The following THSD7A variants were observed in gnomAD, a reference collection of about 807,000 sequenced individuals.
The protein encoded by THSD7A is thrombospondin type 1 domain containing 7A.
A neutral mutation model predicts 231.3 loss-of-function variants in THSD7A; 96 were observed. The ratio of observed to expected loss-of-function variants is 0.41; its 90% CI spans 0.35 to 0.49. THSD7A has a LOEUF of 0.49. THSD7A is among the 20% of genes least tolerant of loss of function. The pLI, the probability that THSD7A is intolerant of heterozygous loss-of-function variation, is 0.05. For missense variants in THSD7A, 2,290 were observed against 2,070.2 expected, an observed-to-expected ratio of 1.11 and a Z score of -2.06; for synonymous variants, 940 against 743.3, an observed-to-expected ratio of 1.26 and a Z score of -4.30.
intron 7 of THSD7A, 64 bp downstream of exon 7, chr7:11,481,724 C>G: frequency 1.4e-6 from 2 of 1,456,944 alleles, no homozygotes; most frequent in Non-Finnish European, 1.8e-6. Flanking sequence ...TTCCAGGCTA[C>G]ACAAAAAAGA....
At chr7:11,649,301 A>G (rs1782404315) in intron 1 of THSD7A, among the ~76,000 whole-genome samples, 1 of 152,004 alleles carries the variant, frequency 6.6e-6, no homozygotes, top group Non-Finnish European at 1.5e-5. Context: ...GGTCTGGCCA[A>G]TATTTTGACC....
intron 1 of THSD7A, among the ~76,000 whole-genome samples, chr7:11,693,357 C>T (rs1780292570): frequency 6.6e-6 from 1 of 151,392 alleles, no homozygotes; most frequent in Non-Finnish European, 1.5e-5. Flanking sequence ...TCACAGAATA[C>T]ATCTATTAGT....
rs1395790509 is a variant in THSD7A, at chr7:11,636,779, T to C, written c.373A>G (p.Arg125Gly). Residue 125 changes from arginine (R) to glycine (G), a missense_variant, in exon 2 of 28, where the codon AGA (arginine) becomes GGA (glycine). Transcript: ENST00000423059. The surrounding 1 kb of genome is among the most constrained non-coding windows in gnomAD (Gnocchi z 10.0). ...CDWHKELYDWRLGPWNQCQPV... is the reference protein window; with the variant it reads ...CDWHKELYDWGLGPWNQCQPV... ...TGACACTGATTCCAAGGTCCCAGTC[T>C]CCAGTCGTACAACTCTTTGTGCCAA... 1.2e-6 allele frequency: 2 copies of C among 1,613,842 alleles called. No individual in the cohort carries two copies. The highest frequency in any genetic ancestry group is 2.2e-5 in the East Asian group (1 of 44,884).
intron 13 of THSD7A, among the ~76,000 whole-genome samples, chr7:11,437,884 A>G (rs1481022333): frequency 6.6e-6 from 1 of 152,072 alleles, no homozygotes; most frequent in East Asian, 1.9e-4. Flanking sequence ...TTCTCTACCC[A>G]TATTCATGAT....
chr7:11,748,866 A>G (rs1782403224), intron 1 of THSD7A, among the ~76,000 whole-genome samples: 1 of 152,046 alleles, frequency 6.6e-6, no homozygotes, highest in African/African-American at 2.4e-5. Context: ...ATAGTAAAAT[A>G]AATCATAATA....
In THSD7A at chr7:11,376,642, G is replaced by C; in HGVS notation, c.4817C>G (p.Thr1606Ser). The C allele has an allele frequency of 6.3e-7, 1 of 1,578,656 alleles. No individual in the cohort carries two copies. Among genetic ancestry groups the C allele is most frequent in the Non-Finnish European group, 8.6e-7 (1 of 1,161,254 alleles). The stretch of plus-strand genomic sequence containing the variant: ...CCCAGCTGCTACACCGTAAACCCAG[G>C]TCTTTAGTCTCCCATCTAAGAAGAA... ...QPFGPDGRLK[T>S]WVYGVAAGAF... The change falls in exon 27 of 28, where the codon ACC becomes AGC. Residue 1606 changes from threonine (T) to serine (S), a missense_variant. Physicochemically the swap from Thr to Ser is moderately conservative, Grantham distance 58. Coordinates refer to ENST00000423059, the MANE Select transcript of THSD7A (RefSeq NM_015204.3).
intron 1 of THSD7A, among the ~76,000 whole-genome samples, chr7:11,805,647 T>C (rs1282387769): frequency 6.6e-6 from 1 of 152,108 alleles, no homozygotes. Context: ...CATTATATGG[T>C]TTTAAAATGT....
At chr7:11,507,116 A>G (rs1009925239) in intron 6 of THSD7A, among the ~76,000 whole-genome samples, 1 of 152,202 alleles carries the variant, frequency 6.6e-6, no homozygotes, top group African/African-American at 2.4e-5. Flanking sequence ...GACATTAAGC[A>G]GTCACAGTGA....
rs1785522592 is a variant in THSD7A, at chr7:11,462,003, AACCCT to A, written c.2501+3_2501+7del. The stretch of plus-strand genomic sequence containing the variant: ...CTCCTCCCTCACGATGCATTTCTCT[AACCCT>A]ACCTGTAGCTTTGGCACGCTTGAGG... On this transcript the variant is annotated splice_donor_5th_base_variant and intron_variant, in intron 10 of 27. Coordinates refer to ENST00000423059, the MANE Select transcript of THSD7A (RefSeq NM_015204.3). The A allele has an allele frequency of 6.2e-7, 1 of 1,612,912 alleles. No individual in the cohort carries two copies. Among genetic ancestry groups the A allele is most frequent in the East Asian group, 2.2e-5 (1 of 44,850 alleles).
intron 1 of THSD7A, among the ~76,000 whole-genome samples, chr7:11,699,916 C>T (rs890582393): frequency 1.9e-4 from 28 of 151,206 alleles, no homozygotes; most frequent in Admixed American, 1.7e-3. Context: ...TGTCCCAGTA[C>T]GTCTTGTCTT....
At chr7:11,414,989 C>T (rs940483134) in intron 17 of THSD7A, among the ~76,000 whole-genome samples, 1 of 152,144 alleles carries the variant, frequency 6.6e-6, no homozygotes, top group Admixed American at 6.5e-5. Context: ...AAAGGTAAAA[C>T]ATGTCAAATT....
intron 2 of THSD7A, among the ~76,000 whole-genome samples, chr7:11,619,568 C>G (rs1461215405): frequency 6.6e-6 from 1 of 151,696 alleles, no homozygotes; most frequent in African/African-American, 2.4e-5. Context: ...GCTCCTATGC[C>G]CAACTAATTT....
intron 1 of THSD7A, among the ~76,000 whole-genome samples, chr7:11,678,123 A>G (rs1783714562): frequency 6.6e-6 from 1 of 152,194 alleles, no homozygotes; most frequent in Admixed American, 6.6e-5. Flanking sequence ...TAAGGCAGAA[A>G]TAAATATGTT....
chr7:11,595,867 C>T (rs534672963), intron 2 of THSD7A, among the ~76,000 whole-genome samples: 22 of 152,260 alleles, frequency 1.4e-4, no homozygotes, highest in African/African-American at 4.6e-4. Flanking sequence ...GCATAGCTAT[C>T]GTAATGGACA....
chr7:11,422,771 G>C (rs1784192753), intron 16 of THSD7A, among the ~76,000 whole-genome samples: 1 of 152,088 alleles, frequency 6.6e-6, no homozygotes, highest in Non-Finnish European at 1.5e-5. Flanking sequence ...TCCTGCCTCA[G>C]CCTCCTGAGT....
At chr7:11,671,529 G>A (rs972085389) in intron 1 of THSD7A, among the ~76,000 whole-genome samples, 2 of 152,114 alleles carry the variant, frequency 1.3e-5, no homozygotes, top group African/African-American at 4.8e-5. Flanking sequence ...TTTGCAGTTT[G>A]CTGAATTGTC....
chr7:11,748,788 G>A (rs188369774), intron 1 of THSD7A, among the ~76,000 whole-genome samples: 1 of 151,884 alleles, frequency 6.6e-6, no homozygotes, highest in African/African-American at 2.4e-5. Flanking sequence ...TAGGGCAATA[G>A]TGATATACGA....
At chr7:11,784,802 T>G (rs1003419209) in intron 1 of THSD7A, among the ~76,000 whole-genome samples, 8 of 152,122 alleles carry the variant, frequency 5.3e-5, no homozygotes, top group African/African-American at 1.7e-4. Flanking sequence ...TATATATTGT[T>G]GCAATTTTAG....
chr7:11,494,565 A>G (rs922820613), intron 6 of THSD7A, among the ~76,000 whole-genome samples: 1 of 152,092 alleles, frequency 6.6e-6, no homozygotes, highest in African/African-American at 2.4e-5. Context: ...AAAGAAAATA[A>G]TACTTATGAA....
Sources: allele counts gnomAD v4.1 joint callset (sites outside exome capture counted in the v4.1 genomes callset), GRCh38; gene constraint gnomAD v4.1.1; non-coding constraint Gnocchi (gnomAD v3.1); transcripts MANE v1.5; gene names NCBI Gene and HGNC (gene_info 2026-07-23, HGNC 2026-07-21).